The following NUCB1 variants were observed in gnomAD, a reference collection of about 807,000 sequenced individuals.
NUCB1 encodes the protein nucleobindin-1.
In NUCB1, 47 loss-of-function variants were observed where a neutral mutation model predicts 61.2. The ratio of observed to expected loss-of-function variants is 0.77; its 90% CI spans 0.61 to 0.98. The LOEUF is 0.98. Among genes scored for constraint, NUCB1 ranks in the 50% least tolerant of loss-of-function variants. The pLI is 0.00. For synonymous variants in NUCB1, 234 were observed against 243.1 expected (o/e 0.96, Z 0.35); for missense variants, 583 against 605.3 (o/e 0.96, Z 0.39).
At chr19:48,904,476 C>T (rs116909499) in intron 3 of NUCB1, 22 bp downstream of exon 3, 197,244 of 1,447,968 alleles carry the variant, frequency 0.14, 14,656 homozygotes, top group Non-Finnish European at 0.16. Flanking sequence ...GGAGTGGGGG[C>T]TGTGGGAGGG....
chr19:48,909,525 G>A (rs2037449609), intron 4 of NUCB1, among the ~76,000 whole-genome samples: 1 of 151,840 alleles, frequency 6.6e-6, no homozygotes, highest in African/African-American at 2.4e-5. Context: ...AGGATTACAG[G>A]TGTGAGCCAC....
At chr19:48,908,721 GGTGT>G (rs57686025) in intron 4 of NUCB1, among the ~76,000 whole-genome samples, 14,367 of 109,138 alleles carry the variant, frequency 0.13, 1,040 homozygotes, top group Non-Finnish European at 0.17. Context: ...TTGACCAAGG[GGTGT>G]GTGTGTGTGT....
Position 48,904,295 on chromosome 19 carries a change from G to T in NUCB1, c.136-52G>T, listed in dbSNP as rs180678522. On this transcript the variant is annotated intron_variant, in intron 2 of 12. Transcript: ENST00000405315. ...GGCCATAGCAGTAACAGGAGTGAGG[G>T]TGGGGATGGGGATGGGAGCAGGGGC... is the stretch of plus-strand genomic sequence containing the variant. 407 of 1,224,014 alleles carry T rather than the reference G, an allele frequency of 3.3e-4. 1 individual carries two copies. Among genetic ancestry groups the T allele is most frequent in the South Asian group, 7.4e-4 (61 of 82,686 alleles). The allele number at this position is 1,224,014 out of a possible 1,614,324, so 75.8% of individuals were successfully genotyped here.
At chr19:48,913,808 C>T (rs2037507489) in intron 7 of NUCB1, among the ~76,000 whole-genome samples, 1 of 152,134 alleles carries the variant, frequency 6.6e-6, no homozygotes, top group African/African-American at 2.4e-5. Context: ...CAGCTGGTGT[C>T]CTCTGTAAGC....
chr19:48,919,762 T>A (rs1327834425), intron 10 of NUCB1, among the ~76,000 whole-genome samples: 1 of 3,782 alleles, frequency 2.6e-4, no homozygotes, highest in Non-Finnish European at 9.5e-4. Flanking sequence ...AGAGGTGTGA[T>A]TTTTTTTTTT....
At chr19:48,901,813 C>T (rs2037355887) in intron 2 of NUCB1, among the ~76,000 whole-genome samples, 1 of 152,206 alleles carries the variant, frequency 6.6e-6, no homozygotes, top group Non-Finnish European at 1.5e-5. Flanking sequence ...GTCATTACCC[C>T]CTGGAACGGA....
At chr19:48,918,853 C>A in intron 8 of NUCB1, 69 bp downstream of exon 8, 3 of 1,432,712 alleles carry the variant, frequency 2.1e-6, no homozygotes, top group Middle Eastern at 3.6e-4. Flanking sequence ...CTCCTGCAGT[C>A]CCCTTAAATC....
chr19:48,911,596 G>A (rs1600059462), intron 5 of NUCB1, among the ~76,000 whole-genome samples: 2 of 151,828 alleles, frequency 1.3e-5, no homozygotes, highest in East Asian at 3.9e-4. Flanking sequence ...AGTAGAGACA[G>A]GGTTTCACCA....
intron 10 of NUCB1, among the ~76,000 whole-genome samples, chr19:48,919,837 C>T (rs1401565083): frequency 1.4e-5 from 2 of 145,026 alleles, no homozygotes; most frequent in East Asian, 2.0e-4. Context: ...GGTGGGATCT[C>T]GGCTCACTGC....
chr19:48,913,228 T>G (rs747198569), intron 6 of NUCB1, 32 bp downstream of exon 6: 1 of 1,574,738 alleles, frequency 6.4e-7, no homozygotes, highest in East Asian at 2.2e-5. Flanking sequence ...ATCCACTCCC[T>G]ACCACATCCA....
chr19:48,913,082 ACACGAGAGACGG>A lies in NUCB1; in HGVS notation c.554_565del (p.His185_Arg188del), dbSNP rs759507040. On this transcript the variant is annotated inframe_deletion, in exon 6 of 13. Coordinates refer to ENST00000405315, the MANE Select transcript of NUCB1 (RefSeq NM_006184.6). ...TCAAGCGCTACGAGATGCTTAAGGAACACGAGAGACGGCGTTATCTGGAGTCACTGGGAGAGG... is the reference window on the plus strand; with the variant it reads ...TCAAGCGCTACGAGATGCTTAAGGAACGTTATCTGGAGTCACTGGGAGAGG... 9.9e-6 allele frequency: 16 copies of A among 1,613,690 alleles called. No homozygotes were observed. Among genetic ancestry groups the A allele is most frequent in the Non-Finnish European group, 1.4e-5 (16 of 1,179,984 alleles).
In NUCB1 at chr19:48,905,830, G is replaced by A. The variant is rs143005378; in HGVS notation, c.321G>A (p.Glu107=). The change falls in exon 4 of 13, where the codon GAG becomes GAA. Residue 107 remains glutamate, a synonymous_variant. Transcript: ENST00000405315. ...AGCTGGATGAGCTCAAGCGACAGGA[G>A]GTGTCACGGCTGCGGATGCTGCTCA... is the stretch of plus-strand genomic sequence containing the variant. ...RTKLDELKRQ[E]VSRLRMLLKA... 18 of 1,613,926 alleles carry A rather than the reference G, an allele frequency of 1.1e-5. No individual in the cohort carries two copies. The highest frequency in any genetic ancestry group is 1.4e-5 in the Non-Finnish European group (17 of 1,179,996).
At chr19:48,919,776 TTTTTTTTTC>T (rs939245859) in intron 10 of NUCB1, among the ~76,000 whole-genome samples, 9 of 43,824 alleles carry the variant, frequency 2.1e-4, no homozygotes, top group East Asian at 8.6e-4. Flanking sequence ...TTTTTTTTTT[TTTTTTTTTC>T]TGAAACAGGG....
In NUCB1 at chr19:48,911,252, G is replaced by A. The variant is rs1345057334; in HGVS notation, c.480G>A (p.Thr160=). The A allele has an allele frequency of 6.2e-6, 10 of 1,609,000 alleles. No individual in the cohort carries two copies. The highest frequency in any genetic ancestry group is 4.0e-5 in the African/African-American group (3 of 74,828). Residue 160 remains threonine (T), a splice_region_variant and synonymous_variant, in exon 5 of 13, where the codon ACG becomes ACA. Transcript: ENST00000405315. ...EARDLELLIQ[T]ATRDLAQYDA... The stretch of plus-strand genomic sequence containing the variant: ...GCGACCTGGAGCTGCTGATCCAGAC[G>A]GTAATGGGAGTGGGTCCGGAGGCAG...
chr19:48,914,625 CAATTA>C (rs907323904), intron 7 of NUCB1, among the ~76,000 whole-genome samples: 7 of 152,090 alleles, frequency 4.6e-5, no homozygotes, highest in African/African-American at 1.7e-4. Context: ...CGTAAGCTGC[CAATTA>C]AATTAACGTA....
In NUCB1 at chr19:48,900,931, C is replaced by T. The variant is rs1454115412; in HGVS notation, c.135C>T (p.Pro45=). 6.2e-7 allele frequency: 1 copy of T among 1,613,686 alleles called. No individual in the cohort carries two copies. The highest frequency in any genetic ancestry group is 1.3e-5 in the African/African-American group (1 of 74,924). Residue 45 remains proline, a splice_region_variant and synonymous_variant, in exon 2 of 13, where the codon CCC becomes CCT. Coordinates refer to ENST00000405315, the MANE Select transcript of NUCB1 (RefSeq NM_006184.6). ...NKEETPATES[P]DTGLYYHRYL... Reference sequence around the variant, plus strand: ...AGGAGACCCCTGCGACTGAGAGTCCCGTGAGTGGCCCTGCCCTGCTATCCA... The same window carrying T: ...AGGAGACCCCTGCGACTGAGAGTCCTGTGAGTGGCCCTGCCCTGCTATCCA...
intron 4 of NUCB1, among the ~76,000 whole-genome samples, chr19:48,907,615 C>T (rs117449236): frequency 6.6e-6 from 1 of 152,264 alleles, no homozygotes; most frequent in East Asian, 1.9e-4. Context: ...CCGCCAGGAC[C>T]CCTTAGCCCG....
chr19:48,921,531 G>T (rs2037609867), intron 11 of NUCB1, among the ~76,000 whole-genome samples: 1 of 152,196 alleles, frequency 6.6e-6, no homozygotes, highest in South Asian at 2.1e-4. Flanking sequence ...GGGCATTAAG[G>T]CTGTAAGTGA....
At chr19:48,911,557 C>T (rs1424535423) in intron 5 of NUCB1, among the ~76,000 whole-genome samples, 3 of 151,886 alleles carry the variant, frequency 2.0e-5, no homozygotes, top group Admixed American at 6.6e-5. Context: ...AGGTGCCTGC[C>T]GTCACGCCCA....
Sources: gnomAD v4.1 joint callset for allele counts (sites outside exome capture counted in the v4.1 genomes callset) on GRCh38, gnomAD v4.1.1 for gene constraint, MANE v1.5 for transcripts, NCBI Gene and HGNC (gene_info 2026-07-23, HGNC 2026-07-21) for gene names.